SUGCT: variants seen among roughly 807,000 people sequenced by gnomAD.
SUGCT encodes succinyl-CoA:glutarate-CoA transferase.
Under a neutral mutation model 55.0 loss-of-function variants are expected in SUGCT, and 41 were observed. The observed-to-expected ratio is 0.74, with a 90% CI of 0.58 to 0.97. The LOEUF (loss-of-function observed/expected upper bound fraction) is 0.97. Ranked by LOEUF, SUGCT falls within the 50% of genes least tolerant of loss-of-function variation. SUGCT has a pLI of 0.00. For missense variants in SUGCT, 568 were observed against 547.8 expected, an observed-to-expected ratio of 1.04 and a Z score of -0.37; for synonymous variants, 187 against 200.4, an observed-to-expected ratio of 0.93 and a Z score of 0.56.
chr7:40,446,707 T>C (rs1788856918), intron 9 of SUGCT, among the ~76,000 whole-genome samples: 1 of 152,134 alleles, frequency 6.6e-6, no homozygotes, highest in Non-Finnish European at 1.5e-5. Context: ...TACCAACTAT[T>C]TATTAATTGC....
chr7:40,505,875 G>A (rs1458877166), intron 12 of SUGCT, among the ~76,000 whole-genome samples: 1 of 151,868 alleles, frequency 6.6e-6, no homozygotes, highest in East Asian at 1.9e-4. Context: ...TTATTAAATG[G>A]TATCTTTTTC....
chr7:41,031,436 G>A, the SUGCT span, among the ~76,000 whole-genome samples: 1 of 151,700 alleles, frequency 6.6e-6, no homozygotes, highest in Non-Finnish European at 1.5e-5. Context: ...AAAATCATTT[G>A]GAATGGAATT....
chr7:40,695,049 G>A (rs1468953106), intron 12 of SUGCT, among the ~76,000 whole-genome samples: 1 of 152,020 alleles, frequency 6.6e-6, no homozygotes, highest in Non-Finnish European at 1.5e-5. Flanking sequence ...CATTGTTGAG[G>A]GGTATTACAA....
intron 8 of SUGCT, among the ~76,000 whole-genome samples, chr7:40,313,167 T>C (rs564377930): frequency 6.6e-6 from 1 of 152,344 alleles, no homozygotes; most frequent in South Asian, 2.1e-4. Context: ...ATGATTATTA[T>C]TAAACCAAAG....
intron 12 of SUGCT, among the ~76,000 whole-genome samples, chr7:40,615,429 C>T (rs1252787437): frequency 4.6e-5 from 7 of 152,016 alleles, no homozygotes. Flanking sequence ...TAATTCATGC[C>T]CTTTAATTCT....
the SUGCT span, among the ~76,000 whole-genome samples, chr7:40,911,093 G>A: frequency 3.9e-5 from 6 of 152,120 alleles, no homozygotes; most frequent in Non-Finnish European, 8.8e-5. Context: ...ATGGCTGACA[G>A]GCATAACTTT....
chr7:40,242,933 AT>A (rs70996894), intron 7 of SUGCT, among the ~76,000 whole-genome samples: 10 of 17,200 alleles, frequency 5.8e-4, no homozygotes, highest in Non-Finnish European at 7.0e-4. Flanking sequence ...ATATATATAT[AT>A]TTTTTTTTTT....
intron 12 of SUGCT, among the ~76,000 whole-genome samples, chr7:40,565,735 T>G (rs188050020): frequency 9.0e-4 from 137 of 152,274 alleles, no homozygotes; most frequent in African/African-American, 3.1e-3. Flanking sequence ...CTCCTTCTAC[T>G]TCAGCCTCAC....
chr7:40,702,330 T>C (rs1045025284), intron 12 of SUGCT, among the ~76,000 whole-genome samples: 1 of 152,218 alleles, frequency 6.6e-6, no homozygotes, highest in African/African-American at 2.4e-5. Context: ...GGATTTCTCC[T>C]AATGTGAAAG....
At chr7:40,701,117 C>T (rs1438016764) in intron 12 of SUGCT, among the ~76,000 whole-genome samples, 1 of 152,168 alleles carries the variant, frequency 6.6e-6, no homozygotes. Flanking sequence ...CTGGCTTCCT[C>T]CCCCTCCAGA....
At chr7:40,255,432 C>A (rs2150946618) in intron 7 of SUGCT, among the ~76,000 whole-genome samples, 1 of 151,012 alleles carries the variant, frequency 6.6e-6, no homozygotes, top group East Asian at 2.0e-4. Context: ...GAGGCCGGGG[C>A]CGGCTGTTCA....
the SUGCT span, among the ~76,000 whole-genome samples, chr7:40,954,235 A>G: frequency 2.0e-5 from 3 of 152,204 alleles, no homozygotes; most frequent in African/African-American, 7.2e-5. Flanking sequence ...CTCTGTGGGC[A>G]TGGGACCCTC....
chr7:40,534,692 T>G (rs1794267561), intron 12 of SUGCT, among the ~76,000 whole-genome samples: 1 of 152,256 alleles, frequency 6.6e-6, no homozygotes, highest in South Asian at 2.1e-4. Flanking sequence ...GTGCTGAGAT[T>G]ACAGGTGTGA....
intron 13 of SUGCT, among the ~76,000 whole-genome samples, chr7:40,765,558 CG>C (rs1788745313): frequency 6.6e-6 from 1 of 151,516 alleles, no homozygotes; most frequent in East Asian, 1.9e-4. Flanking sequence ...TCTACTTTAA[CG>C]ATTTGGGTAT....
At chr7:40,925,055 C>T in the SUGCT span, among the ~76,000 whole-genome samples, 1 of 152,188 alleles carries the variant, frequency 6.6e-6, no homozygotes, top group Non-Finnish European at 1.5e-5. Flanking sequence ...ACACCTAAAG[C>T]TTTTTGCAGT....
chr7:40,960,123 A>G, the SUGCT span, among the ~76,000 whole-genome samples: 2 of 152,082 alleles, frequency 1.3e-5, no homozygotes, highest in Non-Finnish European at 1.5e-5. Context: ...CCATTTGGCC[A>G]TCTTGCCTGG....
At chr7:40,898,280 G>A in the SUGCT span, among the ~76,000 whole-genome samples, 2 of 152,010 alleles carry the variant, frequency 1.3e-5, no homozygotes, top group Non-Finnish European at 2.9e-5. Flanking sequence ...CCACCAGAAG[G>A]AACAAACAAC....
intron 1 of SUGCT, among the ~76,000 whole-genome samples, chr7:40,177,396 G>A (rs552159482): frequency 1.0e-3 from 153 of 150,878 alleles, no homozygotes; most frequent in African/African-American, 3.6e-3. Context: ...TACAAGCAGC[G>A]CTGGCGGCCC....
At chr7:40,544,031 T>C (rs1463609828) in intron 12 of SUGCT, among the ~76,000 whole-genome samples, 1 of 151,964 alleles carries the variant, frequency 6.6e-6, no homozygotes, top group Non-Finnish European at 1.5e-5. Flanking sequence ...TAGTTTGGAG[T>C]AATGTAATAT....
Sources: allele counts gnomAD v4.1 joint callset (sites outside exome capture counted in the v4.1 genomes callset), GRCh38; gene constraint gnomAD v4.1.1; transcripts MANE v1.5; gene names NCBI Gene and HGNC (gene_info 2026-07-23, HGNC 2026-07-21).